The following SNCAIP variants were observed in gnomAD, a reference collection of about 807,000 sequenced individuals.
SNCAIP encodes synphilin-1.
SNCAIP carries 43 observed loss-of-function variants against 86.7 expected under a neutral mutation model. The observed-to-expected ratio is 0.50, with a 90% CI of 0.39 to 0.64. The LOEUF is 0.64. SNCAIP is among the 30% of genes least tolerant of loss of function. The pLI, the probability that SNCAIP is intolerant of heterozygous loss-of-function variation, is 0.00. For missense variants in SNCAIP, 981 were observed against 1,103.1 expected (o/e 0.89, Z 1.57); for synonymous variants, 417 against 427.2 (o/e 0.98, Z 0.29).
At chr5:122,410,154 T>G (rs1478387758) in intron 3 of SNCAIP, among the ~76,000 whole-genome samples, 1 of 152,234 alleles carries the variant, frequency 6.6e-6, no homozygotes, top group Non-Finnish European at 1.5e-5. Context: ...AATATAATTA[T>G]AAAGGTGATA....
intron 1 of SNCAIP, among the ~76,000 whole-genome samples, chr5:122,313,484 G>A (rs958315944): frequency 2.6e-5 from 4 of 152,220 alleles, no homozygotes; most frequent in Non-Finnish European, 2.9e-5. Context: ...CACTACTTTC[G>A]TTGCTGAATC....
intron 1 of SNCAIP, among the ~76,000 whole-genome samples, chr5:122,358,220 A>AT (rs1761481645): frequency 2.4e-5 from 3 of 127,442 alleles, no homozygotes; most frequent in Non-Finnish European, 3.5e-5. Context: ...TATATATATA[A>AT]AATACTTTAA....
At chr5:122,412,488 C>T (rs1353597123) in intron 3 of SNCAIP, among the ~76,000 whole-genome samples, 1 of 152,152 alleles carries the variant, frequency 6.6e-6, no homozygotes, top group Admixed American at 6.5e-5. Flanking sequence ...GAGACCACCT[C>T]TCTCCTCATT....
chr5:122,344,524 AC>A (rs973247491), intron 1 of SNCAIP, among the ~76,000 whole-genome samples: 1 of 152,214 alleles, frequency 6.6e-6, no homozygotes, highest in African/African-American at 2.4e-5. Context: ...GCTTTGAGCT[AC>A]AAGGAAATGA....
intron 1 of SNCAIP, among the ~76,000 whole-genome samples, chr5:122,341,270 A>C (rs1757527030): frequency 6.6e-6 from 1 of 152,220 alleles, no homozygotes; most frequent in Non-Finnish European, 1.5e-5. Flanking sequence ...TTCAGCAAAG[A>C]TTTTGAAACT....
At chr5:122,312,964 A>G (rs547554103) in intron 1 of SNCAIP, 8 of 152,344 alleles carry the variant, frequency 5.3e-5, no homozygotes, top group African/African-American at 1.9e-4. Context: ...CAAAGGCCAC[A>G]TTTTGTTTAT....
chr5:122,335,168 G>A lies in SNCAIP; in HGVS notation c.-47+22884G>A, dbSNP rs181210282. Among the ~76,000 whole-genome samples the A allele has an allele frequency of 1.5e-3, 225 of 152,076 alleles. 2 individuals carry two copies. The highest frequency in any genetic ancestry group is 4.3e-3 in the African/African-American group (179 of 41,492). On this transcript the variant is annotated intron_variant, in intron 1 of 10. Coordinates refer to ENST00000261368, the MANE Select transcript of SNCAIP (RefSeq NM_005460.4). ...GAAAAATAAAATCTGACATTTTAGC[G>A]TTTATCTTTGGTGGAAATTGTTGTT...
intron 1 of SNCAIP, among the ~76,000 whole-genome samples, chr5:122,350,370 A>G (rs1490680375): frequency 6.6e-6 from 1 of 152,214 alleles, no homozygotes. Flanking sequence ...TTTTAAGATG[A>G]CATAATTTTT....
At chr5:122,317,036 A>G (rs1442466312) in intron 1 of SNCAIP, among the ~76,000 whole-genome samples, 1 of 152,188 alleles carries the variant, frequency 6.6e-6, no homozygotes, top group Non-Finnish European at 1.5e-5. Flanking sequence ...TGGATGTGCC[A>G]TTATCTCGTG....
intron 8 of SNCAIP, among the ~76,000 whole-genome samples, chr5:122,446,635 T>C (rs531769950): frequency 5.3e-5 from 8 of 152,344 alleles, no homozygotes; most frequent in African/African-American, 1.9e-4. Context: ...CTACGTTGTA[T>C]ACCCTAGTCT....
At chr5:122,450,283 T>G (rs932763804) in intron 9 of SNCAIP, among the ~76,000 whole-genome samples, 5 of 152,224 alleles carry the variant, frequency 3.3e-5, no homozygotes, top group South Asian at 2.1e-4. Flanking sequence ...AGAAAATTTA[T>G]GCAAAATTGA....
At chr5:122,439,486 A>C (rs1034760796) in intron 6 of SNCAIP, among the ~76,000 whole-genome samples, 4 of 152,222 alleles carry the variant, frequency 2.6e-5, no homozygotes, top group Non-Finnish European at 5.9e-5. Context: ...GATGTCACAA[A>C]TACCTTCATA....
chr5:122,367,438 C>T (rs958058301), intron 1 of SNCAIP, among the ~76,000 whole-genome samples: 3 of 152,040 alleles, frequency 2.0e-5, no homozygotes, highest in East Asian at 1.9e-4. Context: ...TTGGATAAGA[C>T]GAGAGAAAAG....
intron 10 of SNCAIP, among the ~76,000 whole-genome samples, chr5:122,458,416 A>C (rs999992090): frequency 2.0e-5 from 3 of 151,960 alleles, no homozygotes; most frequent in African/African-American, 7.3e-5. Flanking sequence ...AAGCACATAC[A>C]TGTTCTATTA....
chr5:122,312,119 G>T (rs955365600), upstream of SNCAIP: 10 of 148,562 alleles, frequency 6.7e-5, no homozygotes, highest in African/African-American at 2.4e-4. Flanking sequence ...GGGGCCCGGG[G>T]AGCGGCGCCC....
chr5:122,458,129 TA>T (rs1554121739), intron 10 of SNCAIP, among the ~76,000 whole-genome samples: 1 of 152,124 alleles, frequency 6.6e-6, no homozygotes, highest in Non-Finnish European at 1.5e-5. Context: ...TGTTGAGACA[TA>T]AAAAAGGCAG....
chr5:122,372,568 C>T (rs1182620871), intron 1 of SNCAIP, among the ~76,000 whole-genome samples: 1 of 152,156 alleles, frequency 6.6e-6, no homozygotes, highest in Non-Finnish European at 1.5e-5. Flanking sequence ...AAAGTGAGTT[C>T]ATGCCAGATT....
intron 10 of SNCAIP, among the ~76,000 whole-genome samples, chr5:122,462,574 A>G (rs1435243599): frequency 1.3e-5 from 2 of 152,222 alleles, no homozygotes; most frequent in East Asian, 3.8e-4. Context: ...AATAAGAATT[A>G]TAACTTTCAG....
At chr5:122,325,354 C>G (rs1384633023) in intron 1 of SNCAIP, among the ~76,000 whole-genome samples, 1 of 152,094 alleles carries the variant, frequency 6.6e-6, no homozygotes, top group Non-Finnish European at 1.5e-5. Flanking sequence ...TCCCTGGGCT[C>G]CCATCTTACC....
Sources: gnomAD v4.1 joint callset for allele counts (sites outside exome capture counted in the v4.1 genomes callset) on GRCh38, gnomAD v4.1.1 for gene constraint, MANE v1.5 for transcripts, NCBI Gene and HGNC (gene_info 2026-07-23, HGNC 2026-07-21) for gene names.